Variants in DNASE1 observed in about 807,000 individuals in gnomAD.
DNASE1 encodes deoxyribonuclease-1.
DNASE1 carries 40 observed loss-of-function variants against 33.9 expected under a neutral mutation model. That is an observed-to-expected ratio of 1.18 (90% CI 0.92 to 1.54). DNASE1 has a LOEUF of 1.54. Among genes scored for constraint, DNASE1 ranks in the 40% most tolerant of loss-of-function variants. The probability of loss-of-function intolerance (pLI) is 0.00; values close to 1 mark genes in which losing one functional copy is unlikely to be tolerated. For synonymous variants in DNASE1, 216 were observed against 160.0 expected (o/e 1.35, Z -2.64); for missense variants, 518 against 372.6 (o/e 1.39, Z -3.21).
At chr16:3,658,136 C>T (rs111987725), downstream of DNASE1, 401 of 1,613,980 alleles carry the variant, frequency 2.5e-4, 1 homozygote, top group Middle Eastern at 1.3e-3. Context: ...CTGTCAGTGT[C>T]GCTCCAGGGC....
chr16:3,663,510 T>G, exon 10 of DNASE1: 1 of 1,613,884 alleles, frequency 6.2e-7, no homozygotes, highest in Non-Finnish European at 8.5e-7. Flanking sequence ...CTTGTCAAAC[T>G]CACGAAGGTG....
At chr16:3,646,828 T>C (rs1335674422) in intron 1 of DNASE1, among the ~76,000 whole-genome samples, 1 of 152,032 alleles carries the variant, frequency 6.6e-6, no homozygotes, top group Non-Finnish European at 1.5e-5. Flanking sequence ...ACGTGCAGGC[T>C]CAGGGTGCAT....
intron 1 of DNASE1, among the ~76,000 whole-genome samples, chr16:3,644,190 C>G (rs1261035869): frequency 6.6e-6 from 1 of 152,212 alleles, no homozygotes; most frequent in Non-Finnish European, 1.5e-5. Context: ...CACCTGTAAT[C>G]CCAGCACTTT....
intron 1 of DNASE1, among the ~76,000 whole-genome samples, chr16:3,624,678 T>C (rs925049752): frequency 1.3e-5 from 2 of 152,082 alleles, no homozygotes; most frequent in African/African-American, 4.8e-5. Flanking sequence ...GCAATCAATT[T>C]TTCTTTTCTT....
chr16:3,652,540 A>G (rs2151207639), upstream of DNASE1: 1 of 152,400 alleles, frequency 6.6e-6, no homozygotes, highest in Admixed American at 6.5e-5. Context: ...ACCATTGCTG[A>G]AACCTTTGGA....
At chr16:3,662,420 G>C (rs1017719172), downstream of DNASE1, 4 of 560,584 alleles carry the variant, frequency 7.1e-6, no homozygotes, top group Non-Finnish European at 1.3e-5. Flanking sequence ...AGCCCACCCT[G>C]CATGAGGCCC....
At chr16:3,638,972 C>G (rs929425139), upstream of DNASE1, among the ~76,000 whole-genome samples, 7 of 152,128 alleles carry the variant, frequency 4.6e-5, no homozygotes, top group Non-Finnish European at 1.0e-4. Flanking sequence ...CTTCCGTGTT[C>G]TCATCATGCT....
At chr16:3,647,474 A>G (rs552646400) in intron 1 of DNASE1, among the ~76,000 whole-genome samples, 1 of 151,996 alleles carries the variant, frequency 6.6e-6, no homozygotes, top group Non-Finnish European at 1.5e-5. Flanking sequence ...GGTTCTTGCC[A>G]TGTTACCTAG....
At chr16:3,621,202 C>G (rs2041298859) in intron 1 of DNASE1, among the ~76,000 whole-genome samples, 1 of 152,260 alleles carries the variant, frequency 6.6e-6, no homozygotes, top group African/African-American at 2.4e-5. Flanking sequence ...CCTCCTGCCT[C>G]AGTATCCCGA....
chr16:3,646,922 G>A (rs889860373), intron 1 of DNASE1, among the ~76,000 whole-genome samples: 1 of 152,094 alleles, frequency 6.6e-6, no homozygotes, highest in African/African-American at 2.4e-5. Context: ...CTATAGACAT[G>A]AGCAGGGAAG....
At chr16:3,652,377 G>A (rs1337280914), upstream of DNASE1, 1 of 152,326 alleles carries the variant, frequency 6.6e-6, no homozygotes, top group African/African-American at 2.4e-5. Flanking sequence ...TCCCTTCCCC[G>A]TGATGGGTCG....
At chr16:3,617,250 C>G (rs957702036) in intron 1 of DNASE1, among the ~76,000 whole-genome samples, 1 of 140,894 alleles carries the variant, frequency 7.1e-6, no homozygotes, top group African/African-American at 2.7e-5. Context: ...CGCTTGAACC[C>G]GGGAGATGGA....
rs146236198 is a variant in DNASE1 at position 3,657,212 on chromosome 16, A to T, written c.575A>T (p.Asn192Ile). 6.2e-6 allele frequency: 10 copies of T among 1,614,046 alleles called. No individual in the cohort carries two copies. The highest frequency in any genetic ancestry group is 8.5e-6 in the Non-Finnish European group (10 of 1,179,998). Reference protein sequence around the residue: ...LEDVMLMGDFNAGCSYVRPSQ... With the variant: ...LEDVMLMGDFIAGCSYVRPSQ... Reference sequence around the variant, plus strand: ...GACGTCATGTTGATGGGCGACTTCAATGCGGGCTGCAGCTATGTGAGACCC... The same window carrying T: ...GACGTCATGTTGATGGGCGACTTCATTGCGGGCTGCAGCTATGTGAGACCC... The change falls in exon 7 of 9, where the codon AAT becomes ATT. Residue 192 changes from asparagine to isoleucine, a missense_variant. Coordinates refer to ENST00000246949, the MANE Select transcript of DNASE1 (RefSeq NM_005223.4).
intron 1 of DNASE1, among the ~76,000 whole-genome samples, chr16:3,648,030 T>C (rs2042223217): frequency 6.6e-6 from 1 of 151,914 alleles, no homozygotes; most frequent in Non-Finnish European, 1.5e-5. Context: ...TAGCCAGGCA[T>C]GGTGGCGCAC....
chr16:3,628,002 C>T (rs1269704835), intron 1 of DNASE1, among the ~76,000 whole-genome samples: 1 of 148,646 alleles, frequency 6.7e-6, no homozygotes, highest in African/African-American at 2.5e-5. Context: ...GAATCAGTAG[C>T]TCACTTTTGG....
At chr16:3,658,999 A>ATGATCATTT, downstream of DNASE1, 1 of 821,110 alleles carries the variant, frequency 1.2e-6, no homozygotes, top group Non-Finnish European at 1.9e-6. Flanking sequence ...AGGTATGTTA[A>ATGATCATTT]TGATCATTTA....
chr16:3,661,991 G>A (rs2043105052), downstream of DNASE1: 2 of 1,605,696 alleles, frequency 1.2e-6, no homozygotes, highest in Non-Finnish European at 1.7e-6. Context: ...CCTCACCTGG[G>A]GTTGATCTCC....
chr16:3,650,323 T>C (rs1356425841), upstream of DNASE1, among the ~76,000 whole-genome samples: 1 of 152,164 alleles, frequency 6.6e-6, no homozygotes, highest in Admixed American at 6.5e-5. Context: ...AAGTATCAAT[T>C]TCAGAAGGAA....
intron 7 of DNASE1, 28 bp from the exon 8 acceptor site, chr16:3,657,691 AC>A (rs1596660998): frequency 6.2e-7 from 1 of 1,613,204 alleles, no homozygotes; most frequent in Non-Finnish European, 8.5e-7. Flanking sequence ...TGAAAGGGGA[AC>A]CTACTTTCTC....
Sources: gnomAD v4.1 joint callset for allele counts (sites outside exome capture counted in the v4.1 genomes callset) on GRCh38, gnomAD v4.1.1 for gene constraint, MANE v1.5 for transcripts, NCBI Gene and HGNC (gene_info 2026-07-23, HGNC 2026-07-21) for gene names.